NKAIN2: variants seen among roughly 807,000 people sequenced by gnomAD.
NKAIN2 encodes the protein sodium/potassium transporting ATPase interacting 2, also known as sodium/potassium-transporting ATPase subunit beta-1-interacting protein 2.
A neutral mutation model predicts 32.6 loss-of-function variants in NKAIN2; 14 were observed. That is an observed-to-expected ratio of 0.43 (90% CI 0.28 to 0.67). NKAIN2 has a LOEUF of 0.67. Ranked by LOEUF, NKAIN2 falls within the 30% of genes least tolerant of loss-of-function variation. The probability of loss-of-function intolerance (pLI) is 0.17; values close to 1 mark genes in which losing one functional copy is unlikely to be tolerated. For missense variants in NKAIN2, 198 were observed against 258.3 expected (o/e 0.77, Z 1.60); for synonymous variants, 80 against 87.2 (o/e 0.92, Z 0.46).
chr6:124,703,012 G>A (rs2114574473), intron 4 of NKAIN2, among the ~76,000 whole-genome samples: 1 of 152,146 alleles, frequency 6.6e-6, no homozygotes, highest in Non-Finnish European at 1.5e-5. Flanking sequence ...TTGAGCTCAT[G>A]TGCTGGATAG....
chr6:124,240,660 A>G (rs745357573), intron 1 of NKAIN2, among the ~76,000 whole-genome samples: 1 of 152,292 alleles, frequency 6.6e-6, no homozygotes. Flanking sequence ...GATTATCTCA[A>G]TAGATGCAGA....
At chr6:124,319,703 A>G (rs1329377696) in intron 2 of NKAIN2, among the ~76,000 whole-genome samples, 1 of 152,088 alleles carries the variant, frequency 6.6e-6, no homozygotes, top group African/African-American at 2.4e-5. Flanking sequence ...TTCATTTTAA[A>G]TTTCCTGCCC....
intron 1 of NKAIN2, among the ~76,000 whole-genome samples, chr6:123,854,223 G>C (rs1775470313): frequency 1.3e-5 from 2 of 152,138 alleles, no homozygotes; most frequent in Non-Finnish European, 1.5e-5. Context: ...CCTTTTTCAT[G>C]CTGTACAAAA....
rs1055147267 is a variant in NKAIN2 at position 124,122,011 on chromosome 6, C to A, written c.55-160994C>A. On this transcript the variant is annotated intron_variant, in intron 1 of 6. Coordinates refer to ENST00000368417, the MANE Select transcript of NKAIN2 (RefSeq NM_001040214.3). ...AATATATATTTGAAGAACTCATGAC[C>A]ATACATCAGTGTTCATGTTTCACTA... 5 of 358,652 alleles carry A rather than the reference C, an allele frequency of 1.4e-5. No homozygotes were observed. The Admixed American group carries it at 1.7e-4, about 12-fold the overall frequency. 22.2% of individuals were successfully genotyped at this position (358,652 alleles called of 1,614,324 possible). A position where few individuals can be genotyped will look rare whatever the true frequency, so the allele number is the denominator to read the frequency against.
chr6:124,132,116 C>T (rs1786511358), intron 1 of NKAIN2, among the ~76,000 whole-genome samples: 1 of 152,154 alleles, frequency 6.6e-6, no homozygotes, highest in Non-Finnish European at 1.5e-5. Context: ...TGAATGAGAG[C>T]TGGGTGAGGC....
intron 3 of NKAIN2, among the ~76,000 whole-genome samples, chr6:124,642,638 C>T (rs564168331): frequency 7.9e-5 from 12 of 152,216 alleles, no homozygotes; most frequent in African/African-American, 2.6e-4. Context: ...TACAGCCTCC[C>T]CCACTATTCC....
chr6:124,035,729 CTT>C (rs1479508572), intron 1 of NKAIN2, among the ~76,000 whole-genome samples: 1 of 152,158 alleles, frequency 6.6e-6, no homozygotes, highest in Non-Finnish European at 1.5e-5. Flanking sequence ...TCACATCCCT[CTT>C]GCCACCGTTC....
intron 3 of NKAIN2, among the ~76,000 whole-genome samples, chr6:124,532,247 T>C (rs978705361): frequency 2.0e-5 from 3 of 152,038 alleles, no homozygotes; most frequent in Non-Finnish European, 4.4e-5. Flanking sequence ...AATGTGGAGT[T>C]AACACTGAAG....
chr6:123,934,025 A>G (rs201703155), intron 1 of NKAIN2, among the ~76,000 whole-genome samples: 1 of 132,352 alleles, frequency 7.6e-6, no homozygotes, highest in Non-Finnish European at 1.7e-5. Flanking sequence ...CCTTTAAAAA[A>G]TAGTCTCCAG....
intron 1 of NKAIN2, among the ~76,000 whole-genome samples, chr6:123,926,520 G>A (rs1272243836): frequency 2.6e-5 from 4 of 151,502 alleles, no homozygotes; most frequent in East Asian, 1.9e-4. Flanking sequence ...CCAGATGCCC[G>A]CTGCAGTGTT....
intron 1 of NKAIN2, among the ~76,000 whole-genome samples, chr6:124,086,031 A>G (rs1461829292): frequency 6.6e-6 from 1 of 151,956 alleles, no homozygotes; most frequent in Non-Finnish European, 1.5e-5. Flanking sequence ...GTTTTCATAT[A>G]AAAGAAGGAT....
intron 1 of NKAIN2, among the ~76,000 whole-genome samples, chr6:123,880,370 T>C (rs1485935151): frequency 6.6e-6 from 1 of 152,148 alleles, no homozygotes; most frequent in Non-Finnish European, 1.5e-5. Context: ...TACATAAAAT[T>C]ATAAGAATTC....
intron 1 of NKAIN2, among the ~76,000 whole-genome samples, chr6:124,268,280 A>G (rs1302626559): frequency 6.6e-6 from 1 of 152,214 alleles, no homozygotes; most frequent in Non-Finnish European, 1.5e-5. Context: ...CATCTCCTAC[A>G]TGATATTTAA....
intron 1 of NKAIN2, among the ~76,000 whole-genome samples, chr6:124,148,697 A>C (rs998079755): frequency 1.3e-5 from 2 of 152,156 alleles, no homozygotes; most frequent in Admixed American, 1.3e-4. Flanking sequence ...TGAATGTGCC[A>C]TAGTTTGTTT....
chr6:124,221,107 G>A (rs987893160), intron 1 of NKAIN2, among the ~76,000 whole-genome samples: 9 of 151,774 alleles, frequency 5.9e-5, no homozygotes, highest in South Asian at 4.2e-4. Context: ...ACATGCACAC[G>A]TATGTTTATT....
intron 3 of NKAIN2, among the ~76,000 whole-genome samples, chr6:124,391,594 C>G (rs1252894426): frequency 6.6e-6 from 1 of 152,042 alleles, no homozygotes; most frequent in Non-Finnish European, 1.5e-5. Flanking sequence ...TCAGAACACA[C>G]AAAGAGAGCT....
At chr6:124,156,812 G>T (rs1408288213) in intron 1 of NKAIN2, among the ~76,000 whole-genome samples, 1 of 151,978 alleles carries the variant, frequency 6.6e-6, no homozygotes, top group Non-Finnish European at 1.5e-5. Flanking sequence ...GAGAAAAAAT[G>T]ATGACCTGTG....
At chr6:124,379,151 G>A (rs1583157210) in intron 3 of NKAIN2, among the ~76,000 whole-genome samples, 1 of 40,478 alleles carries the variant, frequency 2.5e-5, no homozygotes, top group African/African-American at 9.4e-5. Context: ...GGGAGGGAGG[G>A]AGGGAGGGGA....
At chr6:124,548,360 G>T (rs1399188946) in intron 3 of NKAIN2, among the ~76,000 whole-genome samples, 1 of 152,124 alleles carries the variant, frequency 6.6e-6, no homozygotes, top group Non-Finnish European at 1.5e-5. Flanking sequence ...TTTACCATTT[G>T]AAAGTCTTAA....
Sources: gnomAD v4.1 joint callset for allele counts (sites outside exome capture counted in the v4.1 genomes callset) on GRCh38, gnomAD v4.1.1 for gene constraint, MANE v1.5 for transcripts, NCBI Gene and HGNC (gene_info 2026-07-23, HGNC 2026-07-21) for gene names.